CDKL3: variants seen among roughly 807,000 people sequenced by gnomAD.
CDKL3 encodes cyclin dependent kinase like 3.
In CDKL3, 65 loss-of-function variants were observed where a neutral mutation model predicts 69.3. The observed-to-expected ratio is 0.94, with a 90% CI of 0.77 to 1.15. The LOEUF is 1.15. CDKL3 is among the 50% of genes most tolerant of loss of function. The pLI is 0.00. For synonymous variants in CDKL3, 202 were observed against 221.6 expected, an observed-to-expected ratio of 0.91 and a Z score of 0.79; for missense variants, 652 against 689.2, an observed-to-expected ratio of 0.95 and a Z score of 0.61.
intron 4 of CDKL3, among the ~76,000 whole-genome samples, chr5:134,343,119 T>A (rs1309993492): frequency 6.6e-6 from 1 of 151,410 alleles, no homozygotes; most frequent in African/African-American, 2.4e-5. Flanking sequence ...GTGGGAGGAT[T>A]GTTTGAGCCT....
At chr5:134,359,339 A>G (rs1755433235) in intron 3 of CDKL3, among the ~76,000 whole-genome samples, 1 of 152,330 alleles carries the variant, frequency 6.6e-6, no homozygotes, top group East Asian at 1.9e-4. Context: ...CTGCTGAGCT[A>G]AACACTTACA....
At chr5:134,347,128 T>C (rs556389461) in intron 4 of CDKL3, among the ~76,000 whole-genome samples, 15 of 152,064 alleles carry the variant, frequency 9.9e-5, no homozygotes, top group Admixed American at 6.5e-4. Context: ...GGGTGAGGAC[T>C]ATGGGGAAAC....
chr5:134,320,386 C>T (rs775096727), intron 5 of CDKL3, among the ~76,000 whole-genome samples: 12 of 151,564 alleles, frequency 7.9e-5, no homozygotes, highest in Non-Finnish European at 1.5e-4. Context: ...GAGGCCGAGT[C>T]GGGCAACATG....
At chr5:134,326,672 C>T (rs978243984) in intron 4 of CDKL3, among the ~76,000 whole-genome samples, 1 of 151,092 alleles carries the variant, frequency 6.6e-6, no homozygotes, top group Non-Finnish European at 1.5e-5. Flanking sequence ...TGGAGTTTCA[C>T]TCTTGTTGCC....
chr5:134,304,841 T>A (rs1322796428), intron 10 of CDKL3, among the ~76,000 whole-genome samples: 29 of 148,376 alleles, frequency 2.0e-4, no homozygotes, highest in African/African-American at 3.0e-4. Context: ...AATATTATTA[T>A]TATTATTATT....
chr5:134,322,043 C>A, intron 4 of CDKL3, 140 bp from the exon 5 acceptor site: 1 of 605,704 alleles, frequency 1.7e-6, no homozygotes, highest in South Asian at 2.1e-5. Context: ...TTTTCGAGAC[C>A]GAGTCTTGCT....
chr5:134,321,002 ATTCT>A (rs1197948969), intron 5 of CDKL3, among the ~76,000 whole-genome samples: 3 of 144,346 alleles, frequency 2.1e-5, no homozygotes, highest in Non-Finnish European at 3.0e-5. Context: ...CATCAAACAT[ATTCT>A]TTTTTTTTTT....
chr5:134,339,760 G>C (rs910375554), intron 4 of CDKL3, among the ~76,000 whole-genome samples: 1 of 152,108 alleles, frequency 6.6e-6, no homozygotes, highest in Non-Finnish European at 1.5e-5. Context: ...AATATTAATT[G>C]CAGGAAAAAT....
chr5:134,299,311 TCTTA>T (rs1309049145), intron 12 of CDKL3: 1 of 204,548 alleles, frequency 4.9e-6, no homozygotes, highest in African/African-American at 2.4e-5. Context: ...GACATCAGGA[TCTTA>T]CTTTATCACA....
At chr5:134,296,952 C>CTTTTT (rs111349325), downstream of CDKL3, among the ~76,000 whole-genome samples, 40 of 131,268 alleles carry the variant, frequency 3.0e-4, no homozygotes, top group Non-Finnish European at 3.9e-4. Flanking sequence ...CTTTTCTTTT[C>CTTTTT]TTTTTTTTTT....
chr5:134,364,851 G>C (rs1757017081), intron 2 of CDKL3, among the ~76,000 whole-genome samples: 1 of 150,964 alleles, frequency 6.6e-6, no homozygotes, highest in African/African-American at 2.4e-5. Context: ...CTGACGCCCA[G>C]GCTAGAGTGC....
intron 4 of CDKL3, among the ~76,000 whole-genome samples, chr5:134,329,964 C>G (rs1364180912): frequency 6.6e-6 from 1 of 150,448 alleles, no homozygotes; most frequent in Non-Finnish European, 1.5e-5. Flanking sequence ...GAGGTGAGAT[C>G]GCGCCACTGC....
upstream of CDKL3, chr5:134,367,422 G>A: frequency 4.1e-6 from 4 of 972,548 alleles, no homozygotes; most frequent in South Asian, 1.4e-4. Flanking sequence ...GCCCAGGCTG[G>A]ACTGCAGTGT....
chr5:134,354,129 C>A (rs1753978968), intron 3 of CDKL3, among the ~76,000 whole-genome samples: 1 of 152,190 alleles, frequency 6.6e-6, no homozygotes, highest in African/African-American at 2.4e-5. Flanking sequence ...TATATGTTCA[C>A]ATCAATCTGC....
At chr5:134,351,624 A>C (rs2149605173) in intron 3 of CDKL3, among the ~76,000 whole-genome samples, 1 of 152,090 alleles carries the variant, frequency 6.6e-6, no homozygotes, top group South Asian at 2.1e-4. Flanking sequence ...ACTACTGGCT[A>C]ATTAAAAAAT....
intron 4 of CDKL3, among the ~76,000 whole-genome samples, chr5:134,344,924 G>C (rs1751451077): frequency 6.6e-6 from 1 of 152,020 alleles, no homozygotes; most frequent in Non-Finnish European, 1.5e-5. Context: ...AATTAGCCGG[G>C]TGTGGTGCCA....
Position 134,366,286 on chromosome 5 carries a change from A to G in CDKL3, c.165+73T>C, listed in dbSNP as rs952163167. 1.4e-5 allele frequency: 15 copies of G among 1,089,996 alleles called. No homozygotes were observed. In the African/African-American group the frequency reaches 1.4e-4, roughly 10 times the overall value. The allele number at this position is 1,089,996 out of a possible 1,614,324, so 67.5% of individuals were successfully genotyped here. On this transcript the variant is annotated intron_variant, in intron 2 of 12. Transcript: ENST00000265334. ...TATGAATCAGTACGTGTGAACTAAAATATTTTATGCAATTTTTTATTCCAT... is the reference window on the plus strand; with the variant it reads ...TATGAATCAGTACGTGTGAACTAAAGTATTTTATGCAATTTTTTATTCCAT...
chr5:134,329,809 T>A (rs1775328330), intron 4 of CDKL3, among the ~76,000 whole-genome samples: 2 of 152,022 alleles, frequency 1.3e-5, no homozygotes, highest in Non-Finnish European at 2.9e-5. Flanking sequence ...CTTCAAAAAG[T>A]TCATGATAAT....
At chr5:134,363,698 C>T (rs1449506929) in intron 2 of CDKL3, among the ~76,000 whole-genome samples, 5 of 151,846 alleles carry the variant, frequency 3.3e-5, no homozygotes, top group African/African-American at 1.2e-4. Flanking sequence ...TGAGCTCAGG[C>T]AATCCGCCCG....
Sources: allele counts gnomAD v4.1 joint callset (sites outside exome capture counted in the v4.1 genomes callset), GRCh38; gene constraint gnomAD v4.1.1; transcripts MANE v1.5; gene names NCBI Gene and HGNC (gene_info 2026-07-23, HGNC 2026-07-21).